Variants in PPP1R12B observed in about 807,000 individuals in gnomAD.
PPP1R12B encodes protein phosphatase 1 regulatory subunit 12B.
PPP1R12B carries 76 observed loss-of-function variants against 126.1 expected under a neutral mutation model. The ratio of observed to expected loss-of-function variants is 0.60; its 90% CI spans 0.50 to 0.73. The LOEUF is 0.73. Ranked by LOEUF, PPP1R12B falls within the 30% of genes least tolerant of loss-of-function variation. The pLI is 0.00. For missense variants in PPP1R12B, 1,052 were observed against 1,205.1 expected, an observed-to-expected ratio of 0.87 and a Z score of 1.88; for synonymous variants, 356 against 434.7, an observed-to-expected ratio of 0.82 and a Z score of 2.25.
intron 18 of PPP1R12B, among the ~76,000 whole-genome samples, chr1:202,529,613 A>G (rs1683718787): frequency 6.6e-6 from 1 of 152,226 alleles, no homozygotes; most frequent in Non-Finnish European, 1.5e-5. Flanking sequence ...TGACAATTTA[A>G]AAACTTACAT....
intron 18 of PPP1R12B, among the ~76,000 whole-genome samples, chr1:202,523,155 T>A (rs1682951709): frequency 6.6e-6 from 1 of 152,226 alleles, no homozygotes; most frequent in Non-Finnish European, 1.5e-5. Context: ...TGTCCAATAT[T>A]TGCCAGATAT....
intron 23 of PPP1R12B, among the ~76,000 whole-genome samples, chr1:202,573,161 G>T (rs781489903): frequency 5.3e-5 from 8 of 152,102 alleles, no homozygotes; most frequent in Non-Finnish European, 1.2e-4. Flanking sequence ...TTTTAAATTT[G>T]GTCCCTGCCC....
chr1:202,563,085 A>G (rs2149013828), intron 20 of PPP1R12B, among the ~76,000 whole-genome samples, 163 bp downstream of exon 20: 1 of 152,288 alleles, frequency 6.6e-6, no homozygotes, highest in East Asian at 1.9e-4. Flanking sequence ...CACCTCTCCA[A>G]AAAACTAGAT....
chr1:202,447,226 G>A (rs1453874642), intron 12 of PPP1R12B, among the ~76,000 whole-genome samples: 2 of 152,142 alleles, frequency 1.3e-5, no homozygotes, highest in African/African-American at 4.8e-5. Flanking sequence ...CTCTTATAAT[G>A]AGCCCCCTAT....
At chr1:202,449,898 G>A (rs1280355178) in intron 13 of PPP1R12B, among the ~76,000 whole-genome samples, 5 of 151,900 alleles carry the variant, frequency 3.3e-5, no homozygotes, top group Non-Finnish European at 5.9e-5. Flanking sequence ...ATGTTAGCCA[G>A]GATGGTCTCG....
At chr1:202,564,590 A>T (rs1363698950) in intron 21 of PPP1R12B, 43 bp downstream of exon 21, 2 of 1,518,568 alleles carry the variant, frequency 1.3e-6, no homozygotes, top group Non-Finnish European at 1.8e-6. Context: ...CCAAGGGTTG[A>T]TGTAAGGAAG....
rs1159943710 is a variant in PPP1R12B, at chr1:202,591,832, C to T, written c.*11272C>T. 5.9e-5 allele frequency: 9 copies of T among 152,822 alleles called. No homozygotes were observed. The highest frequency in any genetic ancestry group is 5.2e-4 in the Admixed American group (8 of 15,288). The allele number at this position is 152,822 out of a possible 1,614,324, so 9.5% of individuals were successfully genotyped here. On this transcript the variant is annotated 3_prime_UTR_variant, in exon 24 of 24. Coordinates refer to ENST00000608999, the MANE Select transcript of PPP1R12B (RefSeq NM_002481.4). ...AAATCCTGGTTGCCTCCACAGGGACCCCAGGAAAGGTATCCAGAACCATGG... is the reference window on the plus strand; with the variant it reads ...AAATCCTGGTTGCCTCCACAGGGACTCCAGGAAAGGTATCCAGAACCATGG...
At chr1:202,391,263 A>G (rs1328785436) in intron 1 of PPP1R12B, among the ~76,000 whole-genome samples, 6 of 152,228 alleles carry the variant, frequency 3.9e-5, no homozygotes, top group Non-Finnish European at 8.8e-5. Context: ...CAAATGACCA[A>G]TAAGCACCTG....
intron 1 of PPP1R12B, among the ~76,000 whole-genome samples, chr1:202,415,605 A>G (rs946062386): frequency 1.3e-5 from 2 of 152,088 alleles, no homozygotes; most frequent in African/African-American, 4.8e-5. Context: ...TTCTGTAGCT[A>G]TGTCAAGATC....
chr1:202,455,926 G>A (rs1222767458), intron 13 of PPP1R12B, among the ~76,000 whole-genome samples: 1 of 152,176 alleles, frequency 6.6e-6, no homozygotes, highest in African/African-American at 2.4e-5. Context: ...AGGCTCATGA[G>A]AGAGAACAGT....
At chr1:202,380,668 G>A (rs1274164943) in intron 1 of PPP1R12B, among the ~76,000 whole-genome samples, 1 of 152,084 alleles carries the variant, frequency 6.6e-6, no homozygotes, top group Non-Finnish European at 1.5e-5. Context: ...GCTGTTGCCT[G>A]CTTTGGTTAC....
rs547969455 is a variant in PPP1R12B, at chr1:202,378,095, C to T, written c.291+28953C>T. Among the ~76,000 whole-genome samples, 20 of 152,104 alleles carry T rather than the reference C, an allele frequency of 1.3e-4. No individual in the cohort carries two copies. The South Asian group carries it at 3.1e-3, about 24-fold the overall frequency. ...CCTCGTGATCCGCCCGCCTCAGCCTCCCAAAGTACTGGGATTACAGGCGTG... is the reference window on the plus strand; with the variant it reads ...CCTCGTGATCCGCCCGCCTCAGCCTTCCAAAGTACTGGGATTACAGGCGTG... On this transcript the variant is annotated intron_variant, in intron 1 of 23. Transcript: ENST00000608999.
chr1:202,419,757 G>T lies in PPP1R12B; in HGVS notation c.422+2840G>T, dbSNP rs1280345052. Among the ~76,000 whole-genome samples the T allele has an allele frequency of 1.3e-5, 2 of 152,156 alleles. No individual in the cohort carries two copies. Among genetic ancestry groups the T allele is most frequent in the African/African-American group, 4.8e-5 (2 of 41,444 alleles). ...CAGATGTCATGGCGATGATAGTAAT[G>T]AGGAAGACCCAGTTGTTGCTATTAA... On this transcript the variant is annotated intron_variant, in intron 2 of 23. Coordinates refer to ENST00000608999, the MANE Select transcript of PPP1R12B (RefSeq NM_002481.4). The surrounding 1 kb of genome is among the most constrained non-coding windows in gnomAD (Gnocchi z 4.6).
In PPP1R12B at chr1:202,580,457, C is replaced by T; in HGVS notation, c.2863-17C>T. On this transcript the variant is annotated splice_polypyrimidine_tract_variant and intron_variant, in intron 23 of 23. Coordinates refer to ENST00000608999, the MANE Select transcript of PPP1R12B (RefSeq NM_002481.4). Reference sequence around the variant, plus strand: ...CCTGCCAGGCTCTAACTCACCTTTCCCTCTGTCACCCTACAGGTGTTAACA... The same window carrying T: ...CCTGCCAGGCTCTAACTCACCTTTCTCTCTGTCACCCTACAGGTGTTAACA... 10 of 1,605,788 alleles carry T rather than the reference C, an allele frequency of 6.2e-6. No individual in the cohort carries two copies. Among genetic ancestry groups the T allele is most frequent in the Non-Finnish European group, 8.5e-6 (10 of 1,172,452 alleles).
chr1:202,550,492 A>G (rs910928584), intron 18 of PPP1R12B, among the ~76,000 whole-genome samples: 3 of 152,200 alleles, frequency 2.0e-5, no homozygotes, highest in African/African-American at 7.2e-5. Context: ...AAAATTTACG[A>G]TATACTCTAT....
intron 13 of PPP1R12B, chr1:202,471,992 T>A: frequency 4.4e-6 from 7 of 1,596,102 alleles, no homozygotes; most frequent in Non-Finnish European, 5.9e-6. Flanking sequence ...CCGTGGTGAT[T>A]TTATAGCATC....
chr1:202,377,761 T>C (rs944906254), intron 1 of PPP1R12B, among the ~76,000 whole-genome samples: 8 of 151,436 alleles, frequency 5.3e-5, no homozygotes, highest in African/African-American at 2.0e-4. Context: ...TGAATAGGCA[T>C]TTAAGAAAAA....
chr1:202,473,429 T>C (rs985148761), intron 13 of PPP1R12B, among the ~76,000 whole-genome samples: 17 of 152,256 alleles, frequency 1.1e-4, no homozygotes, highest in African/African-American at 4.1e-4. Context: ...TGGCATTTGC[T>C]AGCTGGCTAT....
At chr1:202,360,648 G>T (rs1039566678) in intron 1 of PPP1R12B, among the ~76,000 whole-genome samples, 1 of 151,696 alleles carries the variant, frequency 6.6e-6, no homozygotes, top group Non-Finnish European at 1.5e-5. Flanking sequence ...GGTAGAGGTT[G>T]CAGTGAGCCG....
Sources: gnomAD v4.1 joint callset for allele counts (sites outside exome capture counted in the v4.1 genomes callset) on GRCh38, gnomAD v4.1.1 for gene constraint, Gnocchi (gnomAD v3.1) non-coding constraint, MANE v1.5 for transcripts, NCBI Gene and HGNC (gene_info 2026-07-23, HGNC 2026-07-21) for gene names.